SPMIP5: variants seen among roughly 807,000 people sequenced by gnomAD.
The protein encoded by SPMIP5 is sperm-associated microtubule inner protein 5.
At chr10:116,666,051 C>T in the SPMIP5 span, among the ~76,000 whole-genome samples, 1 of 152,176 alleles carries the variant, frequency 6.6e-6, no homozygotes, top group Non-Finnish European at 1.5e-5. Context: ...GGAGGGAAGG[C>T]CCATTTCAAC....
At chr10:116,665,093 T>TC in the SPMIP5 span, 8 of 1,418,556 alleles carry the variant, frequency 5.6e-6, no homozygotes, top group Non-Finnish European at 7.3e-6. Context: ...CTGTGCCCCC[T>TC]CCCCTAGAAA....
chr10:116,664,934 T>C, the SPMIP5 span: 1 of 1,612,802 alleles, frequency 6.2e-7, no homozygotes, highest in East Asian at 2.2e-5. Flanking sequence ...GAGGTTTCTT[T>C]ACATATTTGC....
At chr10:116,667,712 T>A in the SPMIP5 span, among the ~76,000 whole-genome samples, 1 of 152,300 alleles carries the variant, frequency 6.6e-6, no homozygotes, top group Admixed American at 6.5e-5. Flanking sequence ...AGCCTCTAGG[T>A]AGGGCAACCA....
the SPMIP5 span, among the ~76,000 whole-genome samples, chr10:116,668,945 A>G: frequency 1.3e-5 from 2 of 150,976 alleles, no homozygotes; most frequent in South Asian, 4.3e-4. Context: ...ACACACACAC[A>G]CACACACACA....
chr10:116,663,665 C>G, the SPMIP5 span: 2 of 468,068 alleles, frequency 4.3e-6, no homozygotes, highest in Non-Finnish European at 7.5e-6. Flanking sequence ...TCAACATAAC[C>G]TGGAGAAAAC....
At chr10:116,663,532 C>T in the SPMIP5 span, among the ~76,000 whole-genome samples, 20 of 152,182 alleles carry the variant, frequency 1.3e-4, no homozygotes, top group East Asian at 3.9e-4. Flanking sequence ...GTGGTGTCTG[C>T]GCCGCTGTCA....
chr10:116,663,896 C>T, the SPMIP5 span: 15 of 1,533,566 alleles, frequency 9.8e-6, no homozygotes, highest in Non-Finnish European at 1.3e-5. Flanking sequence ...CCTTGGGAGA[C>T]TCTGCGCTTC....
chr10:116,668,595 C>T, the SPMIP5 span, among the ~76,000 whole-genome samples: 171 of 152,000 alleles, frequency 1.1e-3, no homozygotes, highest in African/African-American at 3.6e-3. Context: ...CCCCTCCATC[C>T]GACCTCCAGC....
At chr10:116,664,653 C>A in the SPMIP5 span, 1 of 1,517,082 alleles carries the variant, frequency 6.6e-7, no homozygotes, top group Non-Finnish European at 8.8e-7. Context: ...ACAAATCACA[C>A]ACAAATAGTC....
At chr10:116,664,149 G>A in the SPMIP5 span, 1 of 1,614,088 alleles carries the variant, frequency 6.2e-7, no homozygotes, top group Non-Finnish European at 8.5e-7. Flanking sequence ...ACGGTAGTAG[G>A]AAGGAAAGAG....
At chr10:116,664,697 C>T in the SPMIP5 span, 1 of 1,575,922 alleles carries the variant, frequency 6.3e-7, no homozygotes, top group Non-Finnish European at 8.6e-7. Flanking sequence ...GGTAAACCCC[C>T]ATCCTGGGTT....
the SPMIP5 span, chr10:116,665,027 GT>G: frequency 2.6e-6 from 4 of 1,537,032 alleles, no homozygotes; most frequent in Non-Finnish European, 3.5e-6. Context: ...CTGAAAACTT[GT>G]GACTTGCCTA....
chr10:116,668,337 G>A, the SPMIP5 span: 1 of 1,593,480 alleles, frequency 6.3e-7, no homozygotes, highest in South Asian at 1.1e-5. Context: ...TTAGTGGAGG[G>A]AAGAGGGAAT....
At chr10:116,668,520 G>A in the SPMIP5 span, among the ~76,000 whole-genome samples, 2 of 151,976 alleles carry the variant, frequency 1.3e-5, no homozygotes, top group Non-Finnish European at 2.9e-5. Flanking sequence ...TATTACCAAG[G>A]GCCCATCACC....
chr10:116,662,472 CT>C, the SPMIP5 span, among the ~76,000 whole-genome samples: 94 of 152,308 alleles, frequency 6.2e-4, no homozygotes, highest in African/African-American at 2.0e-3. Context: ...AATGATGTAA[CT>C]TTTTTTCTCA....
chr10:116,665,005 A>G, the SPMIP5 span: 1 of 1,554,824 alleles, frequency 6.4e-7, no homozygotes, highest in African/African-American at 1.4e-5. Flanking sequence ...CCACTGACCC[A>G]GAAGCTGAGG....
chr10:116,664,201 G>C, the SPMIP5 span: 4 of 1,614,056 alleles, frequency 2.5e-6, no homozygotes, highest in Non-Finnish European at 3.4e-6. Context: ...GGATATTTTG[G>C]CAGCAGCTCT....
chr10:116,665,701 C>T, the SPMIP5 span: 2 of 1,614,166 alleles, frequency 1.2e-6, no homozygotes, highest in Non-Finnish European at 1.7e-6. Context: ...GGGGCAGTGG[C>T]CACTGCGCAG....
chr10:116,666,390 A>T, the SPMIP5 span, among the ~76,000 whole-genome samples: 1 of 152,172 alleles, frequency 6.6e-6, no homozygotes, highest in Non-Finnish European at 1.5e-5. Flanking sequence ...GTATGGGTAA[A>T]ACACAACTAT....
Sources: gnomAD v4.1 joint callset for allele counts (sites outside exome capture counted in the v4.1 genomes callset) on GRCh38, gnomAD v4.1.1 for gene constraint, MANE v1.5 for transcripts, NCBI Gene and HGNC (gene_info 2026-07-23, HGNC 2026-07-21) for gene names.